The following LCLAT1 variants were observed in gnomAD, a reference collection of about 807,000 sequenced individuals.
LCLAT1 encodes lysocardiolipin acyltransferase 1.
A neutral mutation model predicts 30.7 loss-of-function variants in LCLAT1; 11 were observed. The ratio of observed to expected loss-of-function variants is 0.36; its 90% confidence interval spans 0.23 to 0.59. The LOEUF (loss-of-function observed/expected upper bound fraction) is 0.59, where lower values mean the gene tolerates loss of function less well. Ranked by LOEUF, LCLAT1 falls within the 20% of genes least tolerant of loss-of-function variation. The probability of loss-of-function intolerance (pLI) is 0.77; values close to 1 mark genes in which losing one functional copy is unlikely to be tolerated. For missense variants in LCLAT1, 402 were observed against 458.6 expected (o/e 0.88, Z 1.13); for synonymous variants, 155 against 151.3 (o/e 1.02, Z -0.18).
chr2:30,525,689 T>G lies in LCLAT1; in HGVS notation c.99T>G (p.Phe33Leu), dbSNP rs151267372. The change falls in exon 2 of 6, where the codon TTT becomes TTG. Residue 33 changes from phenylalanine to leucine, a missense_variant. By Grantham distance (22) the Phe-to-Leu change is conservative. Coordinates refer to ENST00000379509, the MANE Select transcript of LCLAT1 (RefSeq NM_001002257.3). ...TGAGTCCCTTTTTACCTTTGATGTT[T>G]GTAAACCCATCTTGGTATCGCTGGA... ...FMLSPFLPLM[F>L]VNPSWYRWIN... 1.2e-6 allele frequency: 2 copies of G among 1,614,088 alleles called. No homozygotes were observed. The highest frequency in any genetic ancestry group is 2.7e-5 in the African/African-American group (2 of 74,916).
chr2:30,540,155 G>T (rs1374747483), intron 3 of LCLAT1, among the ~76,000 whole-genome samples: 2 of 152,152 alleles, frequency 1.3e-5, no homozygotes, highest in African/African-American at 4.8e-5. Flanking sequence ...TGTTTTCAGA[G>T]CTATTCCATG....
chr2:30,544,286 C>G (rs1010912142), intron 3 of LCLAT1, among the ~76,000 whole-genome samples: 57 of 152,192 alleles, frequency 3.7e-4, no homozygotes, highest in African/African-American at 1.4e-3. Flanking sequence ...ATGATTTGAC[C>G]GATAGGGTCT....
At chr2:30,590,980 A>G (rs1435502236) in intron 5 of LCLAT1, among the ~76,000 whole-genome samples, 1 of 152,186 alleles carries the variant, frequency 6.6e-6, no homozygotes, top group Admixed American at 6.5e-5. Flanking sequence ...ACTTCGAGGT[A>G]AAATTGGAGA....
intron 1 of LCLAT1, among the ~76,000 whole-genome samples, chr2:30,481,091 A>G (rs72856608): frequency 0.013 from 2,020 of 152,302 alleles, 36 homozygotes; most frequent in African/African-American, 0.046. Flanking sequence ...AAGTCTGAGA[A>G]GGTAGCCTGG....
At chr2:30,610,189 A>AT (rs937962653) in intron 5 of LCLAT1, among the ~76,000 whole-genome samples, 3,913 of 146,564 alleles carry the variant, frequency 0.027, 170 homozygotes, top group African/African-American at 0.088. Flanking sequence ...TAGTAATTGC[A>AT]TTTTTTTTTT....
intron 1 of LCLAT1, among the ~76,000 whole-genome samples, chr2:30,500,620 G>T (rs1219230713): frequency 6.6e-6 from 1 of 152,166 alleles, no homozygotes; most frequent in Non-Finnish European, 1.5e-5. Context: ...GATTTAGGGG[G>T]CTGAACCCTT....
intron 5 of LCLAT1, among the ~76,000 whole-genome samples, chr2:30,638,964 T>C (rs1669169024): frequency 6.6e-6 from 1 of 152,120 alleles, no homozygotes; most frequent in Non-Finnish European, 1.5e-5. Flanking sequence ...TCTACCTCTT[T>C]TGCCCTTGGT....
In LCLAT1 at chr2:30,462,537, G is replaced by A. The variant is rs77785855; in HGVS notation, c.-5+15154G>A. On this transcript the variant is annotated intron_variant, in intron 1 of 5. Coordinates refer to ENST00000379509, the MANE Select transcript of LCLAT1 (RefSeq NM_001002257.3). ...ACCATGAGTGAACTGGAAAGGCAGT[G>A]CTGATGACAATGAATACTTAAGTTT... Among the ~76,000 whole-genome samples the A allele has an allele frequency of 9.7e-3, 1,485 of 152,312 alleles. 29 individuals are homozygous for A. Among genetic ancestry groups the A allele is most frequent in the African/African-American group, 0.034 (1,410 of 41,568 alleles).
At chr2:30,495,198 T>C (rs1343634381) in intron 1 of LCLAT1, among the ~76,000 whole-genome samples, 1 of 152,182 alleles carries the variant, frequency 6.6e-6, no homozygotes, top group Non-Finnish European at 1.5e-5. Flanking sequence ...GAAACAGATT[T>C]AGGATTTTTT....
At chr2:30,469,977 C>T (rs1436665074) in intron 1 of LCLAT1, among the ~76,000 whole-genome samples, 1 of 152,082 alleles carries the variant, frequency 6.6e-6, no homozygotes, top group Admixed American at 6.6e-5. Context: ...GTGATCCACC[C>T]GCCTCAGCCT....
chr2:30,530,937 T>G (rs844194), intron 2 of LCLAT1, among the ~76,000 whole-genome samples: 108,041 of 151,932 alleles, frequency 0.71, 40,190 homozygotes, highest in East Asian at 0.87. Flanking sequence ...CATATATAGG[T>G]TTAGATTTGA....
At chr2:30,469,438 C>G (rs776627178) in intron 1 of LCLAT1, among the ~76,000 whole-genome samples, 4 of 152,118 alleles carry the variant, frequency 2.6e-5, no homozygotes, top group Non-Finnish European at 5.9e-5. Flanking sequence ...TTGCATGTAG[C>G]TATCCAGTAG....
chr2:30,563,424 CA>C (rs1266812877), intron 4 of LCLAT1, among the ~76,000 whole-genome samples: 2 of 152,106 alleles, frequency 1.3e-5, no homozygotes, highest in Non-Finnish European at 1.5e-5. Context: ...ATGGTGGGGG[CA>C]TAGCTTAGAC....
At chr2:30,597,679 G>A (rs985174723) in intron 5 of LCLAT1, among the ~76,000 whole-genome samples, 1 of 152,044 alleles carries the variant, frequency 6.6e-6, no homozygotes, top group African/African-American at 2.4e-5. Context: ...TCCATTACTA[G>A]GCTGAATAGG....
At chr2:30,452,460 C>T (rs1238233088) in intron 1 of LCLAT1, among the ~76,000 whole-genome samples, 2 of 151,994 alleles carry the variant, frequency 1.3e-5, no homozygotes, top group East Asian at 3.9e-4. Context: ...GCCGTCACAT[C>T]ATGCTGTTTT....
rs373197118 is a variant in LCLAT1 at position 30,602,383 on chromosome 2, G to T, written c.628+34207G>T. 8.2e-4 allele frequency among the ~76,000 whole-genome samples: 125 copies of T among 152,214 alleles called. No homozygotes were observed. In the Middle Eastern group the frequency reaches 0.01, roughly 12 times the overall value. On this transcript the variant is annotated intron_variant, in intron 5 of 5. Transcript: ENST00000379509. ...CAGATCCAAAGTATTTTAACTCTAA[G>T]AGTTATAGAGAACTTTGAGAAATTT...
chr2:30,488,072 G>C (rs1471334180), intron 1 of LCLAT1, among the ~76,000 whole-genome samples: 2 of 152,180 alleles, frequency 1.3e-5, no homozygotes, highest in African/African-American at 4.8e-5. Flanking sequence ...CTGTTAAAAA[G>C]AAAAACCATC....
intron 1 of LCLAT1, among the ~76,000 whole-genome samples, chr2:30,510,466 T>C (rs550570128): frequency 1.3e-5 from 2 of 152,324 alleles, no homozygotes; most frequent in African/African-American, 4.8e-5. Context: ...TTTTAATCCT[T>C]TGTATGTAAC....
At chr2:30,551,203 C>T (rs906942126) in intron 3 of LCLAT1, among the ~76,000 whole-genome samples, 2 of 151,932 alleles carry the variant, frequency 1.3e-5, no homozygotes, top group Admixed American at 6.5e-5. Flanking sequence ...TGGTGGGTAT[C>T]GCTACATTGC....
Sources: allele counts gnomAD v4.1 joint callset (sites outside exome capture counted in the v4.1 genomes callset), GRCh38; gene constraint gnomAD v4.1.1; transcripts MANE v1.5; gene names NCBI Gene and HGNC (gene_info 2026-07-23, HGNC 2026-07-21).